TRIM48: variants seen among roughly 807,000 people sequenced by gnomAD.
The protein encoded by TRIM48 is tripartite motif containing 48.
TRIM48 carries 31 observed loss-of-function variants against 29.5 expected under a neutral mutation model. The observed-to-expected ratio is 1.05, with a 90% CI of 0.79 to 1.42. The LOEUF is 1.42. Among genes scored for constraint, TRIM48 ranks in the 40% most tolerant of loss-of-function variants. TRIM48 has a pLI of 0.00. For missense variants in TRIM48, 344 were observed against 265.0 expected (o/e 1.30, Z -2.07); for synonymous variants, 128 against 90.6 (o/e 1.41, Z -2.34).
Position 55,270,596 on chromosome 11 carries a change from A to G in TRIM48, c.*161A>G. 1 of 1,583,350 alleles carries G rather than the reference A, an allele frequency of 6.3e-7. No homozygotes were observed. Among genetic ancestry groups the G allele is most frequent in the Non-Finnish European group, 8.6e-7 (1 of 1,165,638 alleles). On this transcript the variant is annotated 3_prime_UTR_variant, in exon 6 of 6. Transcript: ENST00000417545. ...GGTGCTCAGACTTTCACCTCTGGCAAATATTACTGGGAGGTCCATGTGGGG... is the reference window on the plus strand; with the variant it reads ...GGTGCTCAGACTTTCACCTCTGGCAGATATTACTGGGAGGTCCATGTGGGG...
In TRIM48 at chr11:55,271,065, A is replaced by G. The variant is rs902129325; in HGVS notation, c.*630A>G. ...ATGTCTTGAATTGCATTCTAATGTTATTAAAACTCATTTATTGTGTTACTA... is the reference window on the plus strand; with the variant it reads ...ATGTCTTGAATTGCATTCTAATGTTGTTAAAACTCATTTATTGTGTTACTA... On this transcript the variant is annotated 3_prime_UTR_variant, in exon 6 of 6. Coordinates refer to ENST00000417545, the MANE Select transcript of TRIM48 (RefSeq NM_024114.5). 67 of 1,218,456 alleles carry G rather than the reference A, an allele frequency of 5.5e-5. 3 individuals carry two copies. The highest frequency in any genetic ancestry group is 6.7e-5 in the Non-Finnish European group (60 of 889,062). 75.5% of individuals were successfully genotyped at this position (1,218,456 alleles called of 1,614,324 possible). A position where few individuals can be genotyped will look rare whatever the true frequency, so the allele number is the denominator to read the frequency against.
chr11:55,267,303 T>A lies in TRIM48; in HGVS notation c.556-1047T>A. 3.1e-6 allele frequency: 4 copies of A among 1,302,820 alleles called. 1 individual carries two copies. Among genetic ancestry groups the A allele is most frequent in the East Asian group, 2.7e-5 (1 of 36,480 alleles). 80.7% of individuals were successfully genotyped at this position (1,302,820 alleles called of 1,614,324 possible). A position where few individuals can be genotyped will look rare whatever the true frequency, so the allele number is the denominator to read the frequency against. The stretch of plus-strand genomic sequence containing the variant: ...TGTGGATTCTAAGAACTGGCAAGAC[T>A]GAGGTTTAAACTATTGGATGTTCGA... On this transcript the variant is annotated intron_variant, in intron 3 of 5. Transcript: ENST00000417545.
intron 3 of TRIM48, among the ~76,000 whole-genome samples, chr11:55,266,643 A>G (rs200374716): frequency 1.4e-5 from 2 of 147,696 alleles, no homozygotes; most frequent in African/African-American, 2.5e-5. Flanking sequence ...GTGTGAGTTT[A>G]AAATAGGGTG....
chr11:55,265,449 C>T, intron 2 of TRIM48, 135 bp downstream of exon 2: 1 of 1,490,254 alleles, frequency 6.7e-7, no homozygotes. Flanking sequence ...TAGCTTCAAA[C>T]CTCTGAGATT....
chr11:55,269,004 T>G (rs1857435360), intron 4 of TRIM48, among the ~76,000 whole-genome samples: 1 of 148,236 alleles, frequency 6.7e-6, no homozygotes, highest in East Asian at 2.1e-4. Flanking sequence ...CTAAGGAACT[T>G]TACACATTTG....
chr11:55,270,372 T>G lies in TRIM48; in HGVS notation c.*2-65T>G, dbSNP rs761966437. On this transcript the variant is annotated intron_variant, in intron 5 of 5. Coordinates refer to ENST00000417545, the MANE Select transcript of TRIM48 (RefSeq NM_024114.5). Reference sequence around the variant, plus strand: ...TTTGATAGAACGATTTTTGCTTATTTACACATGCCTATGCATGTTTTCTTT... The same window carrying G: ...TTTGATAGAACGATTTTTGCTTATTGACACATGCCTATGCATGTTTTCTTT... 47 of 1,267,144 alleles carry G rather than the reference T, an allele frequency of 3.7e-5. 2 individuals carry two copies. The highest frequency in any genetic ancestry group is 5.6e-5 in the East Asian group (2 of 35,646). The allele number at this position is 1,267,144 out of a possible 1,614,324, so 78.5% of individuals were successfully genotyped here.
At chr11:55,268,711 T>C (rs987098659) in intron 4 of TRIM48, among the ~76,000 whole-genome samples, 7 of 147,668 alleles carry the variant, frequency 4.7e-5, no homozygotes, top group Admixed American at 2.1e-4. Flanking sequence ...AGTGAAAAAG[T>C]TGATGATTTG....
chr11:55,267,936 A>G (rs1007475555), intron 3 of TRIM48, among the ~76,000 whole-genome samples: 2 of 148,030 alleles, frequency 1.4e-5, no homozygotes, highest in African/African-American at 4.9e-5. Context: ...ACATGTATAA[A>G]ATAGTGAGTG....
At position 55,268,473 on chromosome 11, in the gene TRIM48, CT is replaced by C. The variant is rs1309381958; in HGVS notation, c.578+102del. On this transcript the variant is annotated intron_variant, in intron 4 of 5. Coordinates refer to ENST00000417545, the MANE Select transcript of TRIM48 (RefSeq NM_024114.5). Reference sequence around the variant, plus strand: ...GGCATAAACGATTAAGATATTGATACTATTTTTTTTTGCATCTTCTTTCATT... The same window carrying C: ...GGCATAAACGATTAAGATATTGATACATTTTTTTTTGCATCTTCTTTCATT... 3.3e-6 allele frequency: 4 copies of C among 1,223,224 alleles called. 1 individual carries two copies. Among genetic ancestry groups the C allele is most frequent in the Non-Finnish European group, 4.6e-6 (4 of 873,514 alleles). The allele number at this position is 1,223,224 out of a possible 1,614,324, so 75.8% of individuals were successfully genotyped here.
chr11:55,262,704 T>G (rs1375506711), intron 1 of TRIM48, among the ~76,000 whole-genome samples: 1 of 152,056 alleles, frequency 6.6e-6, no homozygotes, highest in African/African-American at 2.4e-5. Context: ...CACATAACTT[T>G]AAATTAGTAA....
At chr11:55,269,044 T>A (rs1442298162) in intron 4 of TRIM48, among the ~76,000 whole-genome samples, 198 bp from the exon 5 acceptor site, 2 of 148,462 alleles carry the variant, frequency 1.3e-5, no homozygotes, top group South Asian at 2.4e-4. Flanking sequence ...TCAGACTGAA[T>A]TCTGACTCAG....
Position 55,270,875 on chromosome 11 carries a change from C to T in TRIM48, c.*440C>T, listed in dbSNP as rs1394811077. ...GTTAGTCAAAGCTCCCCTATATACA[C>T]CATCCCTAATTGCTCCTTCTCACTT... On this transcript the variant is annotated 3_prime_UTR_variant, in exon 6 of 6. Coordinates refer to ENST00000417545, the MANE Select transcript of TRIM48 (RefSeq NM_024114.5). The T allele has an allele frequency of 1.1e-5, 17 of 1,563,012 alleles. 3 individuals carry two copies. The East Asian group carries it at 1.7e-4, about 16-fold the overall frequency.
At chr11:55,270,383 A>C in intron 5 of TRIM48, 54 bp from the exon 6 acceptor site, 212 of 1,262,716 alleles carry the variant, frequency 1.7e-4, no homozygotes, top group Non-Finnish European at 2.2e-4. Flanking sequence ...ACACATGCCT[A>C]TGCATGTTTT....
chr11:55,270,898 C>A lies in TRIM48; in HGVS notation c.*463C>A. 11 of 1,558,894 alleles carry A rather than the reference C, an allele frequency of 7.1e-6. 1 individual carries two copies. Among genetic ancestry groups the A allele is most frequent in the Middle Eastern group, 2.0e-4 (1 of 5,074 alleles). On this transcript the variant is annotated 3_prime_UTR_variant, in exon 6 of 6. Coordinates refer to ENST00000417545, the MANE Select transcript of TRIM48 (RefSeq NM_024114.5). ...CACCATCCCTAATTGCTCCTTCTCACTTCCTCTCAGACCTATCTTTTTCTG... is the reference window on the plus strand; with the variant it reads ...CACCATCCCTAATTGCTCCTTCTCAATTCCTCTCAGACCTATCTTTTTCTG...
At position 55,267,577 on chromosome 11, in the gene TRIM48, T is replaced by C; in HGVS notation, c.556-773T>C. The C allele has an allele frequency of 4.5e-6, 7 of 1,560,686 alleles. 2 individuals carry two copies. The highest frequency in any genetic ancestry group is 6.1e-6 in the Non-Finnish European group (7 of 1,147,724). On this transcript the variant is annotated intron_variant, in intron 3 of 5. Coordinates refer to ENST00000417545, the MANE Select transcript of TRIM48 (RefSeq NM_024114.5). Reference sequence around the variant, plus strand: ...AAATGGCTCATAGGAGGGAGATTTTTAAGAGGAATGTAAGCGGAGCTGATG... The same window carrying C: ...AAATGGCTCATAGGAGGGAGATTTTCAAGAGGAATGTAAGCGGAGCTGATG...
chr11:55,264,977 C>T lies in TRIM48; in HGVS notation c.122C>T (p.Pro41Leu), dbSNP rs549443392. ...CPICMNYFIDPVTIDCGHSFC... is the reference protein window; with the variant it reads ...CPICMNYFIDLVTIDCGHSFC... ...ATCTGCATGAACTACTTCATAGACC[C>T]GGTCACCATAGACTGTGGGCACAGC... Residue 41 changes from proline to leucine, a missense_variant, in exon 2 of 6, where the codon CCG (proline) becomes CTG (leucine). Physicochemically the swap from Pro to Leu is moderately conservative, Grantham distance 98. Transcript: ENST00000417545. 19 of 1,584,512 alleles carry T rather than the reference C, an allele frequency of 1.2e-5. 3 individuals carry two copies. The highest frequency in any genetic ancestry group is 5.4e-5 in the African/African-American group (4 of 73,714).
chr11:55,270,373 A>G, intron 5 of TRIM48, 64 bp from the exon 6 acceptor site: 1 of 1,295,046 alleles, frequency 7.7e-7, no homozygotes, highest in African/African-American at 1.5e-5. Context: ...TTGCTTATTT[A>G]CACATGCCTA....
At chr11:55,262,819 T>TAA (rs386373828) in intron 1 of TRIM48, among the ~76,000 whole-genome samples, 1 of 7,156 alleles carries the variant, frequency 1.4e-4, no homozygotes, top group East Asian at 0.015. Context: ...CAAATAAATA[T>TAA]ATGATATAAT....
At position 55,264,885 on chromosome 11, in the gene TRIM48, C is replaced by T. The variant is rs1019537547; in HGVS notation, c.45-15C>T. 5.7e-6 allele frequency: 9 copies of T among 1,582,774 alleles called. 1 individual carries two copies. Among genetic ancestry groups the T allele is most frequent in the Non-Finnish European group, 7.7e-6 (9 of 1,166,118 alleles). On this transcript the variant is annotated splice_polypyrimidine_tract_variant and intron_variant, in intron 1 of 5. Transcript: ENST00000417545. Reference sequence around the variant, plus strand: ...ACCCAGACCCCAAAATGACATGCTGCTCTTTCTTCCTCAGAAACATGAATT... The same window carrying T: ...ACCCAGACCCCAAAATGACATGCTGTTCTTTCTTCCTCAGAAACATGAATT...
Sources: allele counts gnomAD v4.1 joint callset (sites outside exome capture counted in the v4.1 genomes callset), GRCh38; gene constraint gnomAD v4.1.1; transcripts MANE v1.5; gene names NCBI Gene and HGNC (gene_info 2026-07-23, HGNC 2026-07-21).